Variants in ERI1 observed in about 807,000 individuals in gnomAD.
ERI1 encodes 3'-5' exoribonuclease 1.
A neutral mutation model predicts 39.7 loss-of-function variants in ERI1; 39 were observed. The ratio of observed to expected loss-of-function variants is 0.98; its 90% confidence interval spans 0.76 to 1.28. ERI1 has a LOEUF of 1.28. Ranked by LOEUF, ERI1 falls within the 50% of genes most tolerant of loss-of-function variation. The pLI is 0.00. For missense variants in ERI1, 581 were observed against 416.9 expected (o/e 1.39, Z -3.43); for synonymous variants, 204 against 149.6 (o/e 1.36, Z -2.65).
intron 3 of ERI1, among the ~76,000 whole-genome samples, chr8:9,058,207 G>T (rs1798574648): frequency 6.6e-6 from 1 of 152,192 alleles, no homozygotes; most frequent in Admixed American, 6.5e-5. Context: ...CCCTGGAGCT[G>T]GTGAGTGAAA....
At chr8:9,064,236 G>A (rs1211999665) in intron 3 of ERI1, among the ~76,000 whole-genome samples, 2 of 290 alleles carry the variant, frequency 6.9e-3, no homozygotes, top group East Asian at 0.33. Context: ...GAAGGAGAAG[G>A]GGGGTTGGGG....
chr8:9,033,827 C>T (rs1585245075), downstream of ERI1, among the ~76,000 whole-genome samples: 2 of 151,636 alleles, frequency 1.3e-5, no homozygotes, highest in East Asian at 1.9e-4. Context: ...ATTCCAGGAA[C>T]AGGTAGGTTG....
At chr8:9,088,453 A>G (rs1799597043) in intron 3 of ERI1, 1 of 152,222 alleles carries the variant, frequency 6.6e-6, no homozygotes, top group Non-Finnish European at 1.5e-5. Context: ...TCTTATTATC[A>G]TTAAAGAGAA....
intron 1 of ERI1, among the ~76,000 whole-genome samples, chr8:9,005,665 C>T (rs2117172498): frequency 6.6e-6 from 1 of 152,018 alleles, no homozygotes; most frequent in South Asian, 2.1e-4. Context: ...CAGGCGCCCG[C>T]CCGGCTAATT....
At chr8:9,004,844 C>T (rs534171369) in intron 1 of ERI1, among the ~76,000 whole-genome samples, 2 of 151,972 alleles carry the variant, frequency 1.3e-5, no homozygotes, top group East Asian at 1.9e-4. Context: ...CCCACCACCA[C>T]GCTTGGCTAG....
At chr8:9,071,583 C>T (rs962469782) in intron 3 of ERI1, among the ~76,000 whole-genome samples, 1 of 152,190 alleles carries the variant, frequency 6.6e-6, no homozygotes, top group African/African-American at 2.4e-5. Context: ...ATGCTTTCTC[C>T]AGATAGGACG....
chr8:9,072,832 C>T (rs1799097626), intron 3 of ERI1, among the ~76,000 whole-genome samples: 1 of 152,186 alleles, frequency 6.6e-6, no homozygotes, highest in Non-Finnish European at 1.5e-5. Context: ...GGGTCAGGGT[C>T]AGCACCGAGT....
intron 3 of ERI1, among the ~76,000 whole-genome samples, chr8:9,070,205 C>G (rs1037061432): frequency 3.3e-5 from 5 of 151,756 alleles, no homozygotes; most frequent in Admixed American, 2.0e-4. Flanking sequence ...CACCACTGCA[C>G]TCCAACCTGG....
chr8:9,014,378 T>G (rs998214883), intron 3 of ERI1, among the ~76,000 whole-genome samples: 4 of 152,182 alleles, frequency 2.6e-5, no homozygotes, highest in African/African-American at 9.7e-5. Context: ...TTATCCTATT[T>G]AAGAGTGTGG....
chr8:9,013,720 C>T lies in ERI1; in HGVS notation c.498+1968C>T, dbSNP rs147730493. Among the ~76,000 whole-genome samples, 5 of 152,278 alleles carry T rather than the reference C, an allele frequency of 3.3e-5. No individual in the cohort carries two copies. In the East Asian group the frequency reaches 7.7e-4, roughly 23 times the overall value. On this transcript the variant is annotated intron_variant, in intron 3 of 6. Transcript: ENST00000250263. The stretch of plus-strand genomic sequence containing the variant: ...TTGAACTTACCCCAGCCCATTCTAT[C>T]TTTAGCCTCCTGTAGCCTGGGGGAT...
At chr8:9,042,702 GC>G (rs1798063583) in intron 3 of ERI1, among the ~76,000 whole-genome samples, 2 of 152,198 alleles carry the variant, frequency 1.3e-5, no homozygotes, top group Non-Finnish European at 2.9e-5. Context: ...CACAGGTTGA[GC>G]ATCCCTAGTG....
intron 3 of ERI1, among the ~76,000 whole-genome samples, chr8:9,061,122 G>T (rs1304756992): frequency 6.6e-6 from 1 of 152,226 alleles, no homozygotes; most frequent in Non-Finnish European, 1.5e-5. Flanking sequence ...AGTGATAGAT[G>T]TGGAAGATAC....
In ERI1 at chr8:9,007,935, CTTTTTTTTTTT is replaced by C. The variant is rs556702690; in HGVS notation, c.109-16_109-6del. The C allele has an allele frequency of 1.6e-3, 1,574 of 968,802 alleles. 4 individuals are homozygous for C. The highest frequency in any genetic ancestry group is 0.015 in the African/African-American group (541 of 35,254). 60.0% of individuals were successfully genotyped at this position (968,802 alleles called of 1,614,324 possible). ...GTTTGTACTAATTATAAACTACATC[CTTTTTTTTTTT>C]TTTTTTTTTTTTTTTTTTGGTAGGA... is the stretch of plus-strand genomic sequence containing the variant. On this transcript the variant is annotated intron_variant, in intron 1 of 6. Coordinates refer to ENST00000250263, the MANE Select transcript of ERI1 (RefSeq NM_153332.4).
downstream of ERI1, among the ~76,000 whole-genome samples, chr8:9,038,185 C>G (rs975082483): frequency 6.6e-6 from 1 of 152,290 alleles, no homozygotes; most frequent in Admixed American, 6.5e-5. Flanking sequence ...TACATAAAGG[C>G]TTTTAAAATT....
At chr8:9,034,790 A>G (rs1382671693), downstream of ERI1, among the ~76,000 whole-genome samples, 1 of 152,098 alleles carries the variant, frequency 6.6e-6, no homozygotes, top group Non-Finnish European at 1.5e-5. Context: ...AAGGCATGTC[A>G]AAAGCTAAGA....
At chr8:9,087,429 TTTTTTTG>T (rs1266579523) in intron 3 of ERI1, among the ~76,000 whole-genome samples, 166 of 50,068 alleles carry the variant, frequency 3.3e-3, no homozygotes, top group Middle Eastern at 7.5e-3. Flanking sequence ...TTTTTTTTTT[TTTTTTTG>T]ATTTTTAGTA....
At chr8:9,058,814 A>G (rs1053123129) in intron 3 of ERI1, among the ~76,000 whole-genome samples, 1 of 150,390 alleles carries the variant, frequency 6.6e-6, no homozygotes, top group Admixed American at 6.8e-5. Flanking sequence ...GCCAAAAAAA[A>G]TAAATAAATA....
chr8:9,025,886 T>C (rs568271454), intron 6 of ERI1, among the ~76,000 whole-genome samples: 14 of 152,290 alleles, frequency 9.2e-5, no homozygotes, highest in Admixed American at 9.2e-4. Flanking sequence ...TGAAATTCAT[T>C]TTTGTTTCAT....
intron 2 of ERI1, among the ~76,000 whole-genome samples, chr8:9,010,367 G>C (rs1438584671): frequency 6.6e-6 from 1 of 152,150 alleles, no homozygotes; most frequent in African/African-American, 2.4e-5. Flanking sequence ...ACATGACACA[G>C]AGGTCACTCA....
Sources: allele counts gnomAD v4.1 joint callset (sites outside exome capture counted in the v4.1 genomes callset), GRCh38; gene constraint gnomAD v4.1.1; transcripts MANE v1.5; gene names NCBI Gene and HGNC (gene_info 2026-07-23, HGNC 2026-07-21).